STXBP5L: variants seen among roughly 807,000 people sequenced by gnomAD.
STXBP5L encodes the protein syntaxin binding protein 5L.
In STXBP5L, 65 loss-of-function variants were observed where a neutral mutation model predicts 144.5. That is an observed-to-expected ratio of 0.45 (90% confidence interval 0.37 to 0.55). STXBP5L has a LOEUF of 0.55. Among genes scored for constraint, STXBP5L ranks in the 20% least tolerant of loss-of-function variants. The pLI, the probability that STXBP5L is intolerant of heterozygous loss-of-function variation, is 0.00. For missense variants in STXBP5L, 1,298 were observed against 1,405.5 expected, an observed-to-expected ratio of 0.92 and a Z score of 1.22; for synonymous variants, 505 against 469.6, an observed-to-expected ratio of 1.08 and a Z score of -0.97.
chr3:121,106,866 T>C (rs1025813286), intron 5 of STXBP5L, among the ~76,000 whole-genome samples: 9 of 152,322 alleles, frequency 5.9e-5, no homozygotes, highest in African/African-American at 2.2e-4. Flanking sequence ...ACCAACAGTA[T>C]AAAAGCATTC....
In STXBP5L at chr3:121,265,022, T is replaced by C. The variant is rs557593613; in HGVS notation, c.1958+5854T>C. ...AGAAACTCAGACTCCCACACAATAA[T>C]AGGGAGACTTTTACACCCCACTGTC... On this transcript the variant is annotated intron_variant, in intron 18 of 26. Transcript: ENST00000471454. Among the ~76,000 whole-genome samples the C allele has an allele frequency of 2.0e-4, 30 of 152,178 alleles. No homozygotes were observed. In the South Asian group the frequency reaches 5.6e-3, roughly 28 times the overall value.
intron 3 of STXBP5L, among the ~76,000 whole-genome samples, chr3:120,960,675 C>T (rs1027530711): frequency 6.6e-6 from 1 of 152,040 alleles, no homozygotes; most frequent in East Asian, 1.9e-4. Flanking sequence ...AAACCAAATA[C>T]CGCGTGTTCT....
chr3:121,267,760 A>G (rs181622663), intron 18 of STXBP5L, among the ~76,000 whole-genome samples: 1 of 152,322 alleles, frequency 6.6e-6, no homozygotes, highest in East Asian at 1.9e-4. Flanking sequence ...AGGAACAGAC[A>G]CTTCTCAAAA....
intron 19 of STXBP5L, among the ~76,000 whole-genome samples, chr3:121,297,728 T>C (rs2051716998): frequency 6.6e-6 from 1 of 152,224 alleles, no homozygotes. Context: ...CACTACAGCC[T>C]GCGCGACAGA....
Position 121,413,239 on chromosome 3 carries a change from C to T in STXBP5L, c.3030C>T (p.Thr1010=), listed in dbSNP as rs770731470. 1 of 1,610,046 alleles carries T rather than the reference C, an allele frequency of 6.2e-7. No individual in the cohort carries two copies. Among genetic ancestry groups the T allele is most frequent in the Non-Finnish European group, 8.5e-7 (1 of 1,178,804 alleles). ...GGATAGCACGAACATTTTGTTTTAC[C>T]AATGAAGGACAGGCATTATACCTCG... ...DMRIARTFCF[T]NEGQALYLVS... is the part of the protein sequence containing the mutation. Residue 1010 remains threonine (T), a synonymous_variant, in exon 24 of 27, where the codon ACC becomes ACT. Coordinates refer to ENST00000471454, the MANE Select transcript of STXBP5L (RefSeq NM_001308330.2).
At chr3:121,361,584 C>T (rs2045714162) in intron 20 of STXBP5L, among the ~76,000 whole-genome samples, 1 of 151,998 alleles carries the variant, frequency 6.6e-6, no homozygotes, top group Admixed American at 6.6e-5. Context: ...CACTCTTATG[C>T]ATTCTTCAGT....
intron 3 of STXBP5L, among the ~76,000 whole-genome samples, chr3:120,991,663 G>T (rs1942888691): frequency 6.6e-6 from 1 of 152,166 alleles, no homozygotes; most frequent in South Asian, 2.1e-4. Context: ...AAAAAATGAT[G>T]AGTTCATGTC....
At chr3:120,955,777 T>A (rs1206692048) in intron 3 of STXBP5L, among the ~76,000 whole-genome samples, 1 of 151,972 alleles carries the variant, frequency 6.6e-6, no homozygotes, top group African/African-American at 2.4e-5. Flanking sequence ...ATTGCTCTTT[T>A]ATGGTCACAC....
intron 3 of STXBP5L, among the ~76,000 whole-genome samples, chr3:120,976,700 C>T (rs1052359643): frequency 2.0e-5 from 3 of 152,222 alleles, no homozygotes; most frequent in African/African-American, 7.2e-5. Context: ...AAATTTTCCT[C>T]TACACACTGC....
intron 5 of STXBP5L, among the ~76,000 whole-genome samples, chr3:121,079,954 T>C (rs1433343119): frequency 6.6e-6 from 1 of 152,228 alleles, no homozygotes; most frequent in East Asian, 1.9e-4. Context: ...TGTTGCTGTC[T>C]ATTTTATTTC....
intron 22 of STXBP5L, among the ~76,000 whole-genome samples, chr3:121,387,011 A>G (rs1258673206): frequency 2.0e-5 from 3 of 152,056 alleles, no homozygotes; most frequent in Non-Finnish European, 4.4e-5. Context: ...ACTAATTTAC[A>G]CTCCCACCAA....
chr3:121,404,580 A>C (rs919217304), intron 22 of STXBP5L, among the ~76,000 whole-genome samples: 11 of 152,238 alleles, frequency 7.2e-5, no homozygotes, highest in Admixed American at 2.0e-4. Context: ...GCTCTACTTT[A>C]TCTCTCTGAT....
At chr3:121,067,321 G>T (rs896588835) in intron 5 of STXBP5L, among the ~76,000 whole-genome samples, 1 of 151,948 alleles carries the variant, frequency 6.6e-6, no homozygotes, top group East Asian at 1.9e-4. Context: ...CCATCCAACA[G>T]ATTTTATGTC....
intron 3 of STXBP5L, among the ~76,000 whole-genome samples, chr3:121,003,989 C>T (rs935366482): frequency 1.3e-5 from 2 of 152,086 alleles, no homozygotes; most frequent in African/African-American, 4.8e-5. Context: ...AGCGTGATGC[C>T]TCCAGCTTTG....
intron 3 of STXBP5L, among the ~76,000 whole-genome samples, chr3:120,958,918 G>T (rs1372782486): frequency 6.6e-6 from 1 of 152,168 alleles, no homozygotes; most frequent in African/African-American, 2.4e-5. Flanking sequence ...AATTAGGCAG[G>T]AGAAGGAAAT....
At chr3:121,309,744 CT>C (rs1322183640) in intron 19 of STXBP5L, among the ~76,000 whole-genome samples, 1 of 152,062 alleles carries the variant, frequency 6.6e-6, no homozygotes, top group Non-Finnish European at 1.5e-5. Context: ...TTTAAAAGAT[CT>C]TTATTCTACC....
At chr3:120,974,857 A>T (rs561587862) in intron 3 of STXBP5L, among the ~76,000 whole-genome samples, 1 of 152,038 alleles carries the variant, frequency 6.6e-6, no homozygotes, top group Non-Finnish European at 1.5e-5. Flanking sequence ...AGTTGTAGAT[A>T]TGCGGTGTTA....
chr3:121,309,248 T>A (rs2043445730), intron 19 of STXBP5L, among the ~76,000 whole-genome samples: 1 of 152,030 alleles, frequency 6.6e-6, no homozygotes, highest in Non-Finnish European at 1.5e-5. Flanking sequence ...GCCTATATGC[T>A]GTTTATGAGA....
At chr3:120,938,983 T>A (rs1710415196) in intron 2 of STXBP5L, among the ~76,000 whole-genome samples, 1 of 152,026 alleles carries the variant, frequency 6.6e-6, no homozygotes, top group Admixed American at 6.6e-5. Context: ...GGAGTCTCAC[T>A]ATGTTGCCCA....
Sources: gnomAD v4.1 joint callset for allele counts (sites outside exome capture counted in the v4.1 genomes callset) on GRCh38, gnomAD v4.1.1 for gene constraint, MANE v1.5 for transcripts, NCBI Gene and HGNC (gene_info 2026-07-23, HGNC 2026-07-21) for gene names.